Variants in SVIL observed in about 807,000 individuals in gnomAD.
SVIL encodes archvillin.
In SVIL, 101 loss-of-function variants were observed where a neutral mutation model predicts 240.4. The observed-to-expected ratio is 0.42, with a 90% confidence interval of 0.36 to 0.50. The LOEUF (loss-of-function observed/expected upper bound fraction) is 0.50, where lower values mean the gene tolerates loss of function less well. Ranked by LOEUF, SVIL falls within the 20% of genes least tolerant of loss-of-function variation. The pLI is 0.01. For missense variants in SVIL, 2,512 were observed against 2,818.7 expected (o/e 0.89, Z 2.46); for synonymous variants, 999 against 1,100.0 (o/e 0.91, Z 1.82).
At chr10:29,718,273 C>A (rs1963754960) in intron 1 of SVIL, among the ~76,000 whole-genome samples, 1 of 151,780 alleles carries the variant, frequency 6.6e-6, no homozygotes, top group African/African-American at 2.4e-5. Context: ...TTGCAGTGAG[C>A]CGAGATCGCG....
intron 2 of SVIL, among the ~76,000 whole-genome samples, chr10:29,678,109 G>A (rs1227464744): frequency 6.6e-6 from 1 of 152,106 alleles, no homozygotes; most frequent in African/African-American, 2.4e-5. Context: ...TTTTGTGGAA[G>A]ACAATTTTTC....
chr10:29,690,783 T>C (rs1961438947), intron 1 of SVIL, among the ~76,000 whole-genome samples: 1 of 152,218 alleles, frequency 6.6e-6, no homozygotes, highest in East Asian at 1.9e-4. Flanking sequence ...TGAGAACACC[T>C]GCATATGGTT....
chr10:29,526,914 C>T (rs369322646), intron 13 of SVIL, 47 bp downstream of exon 13: 28 of 1,430,104 alleles, frequency 2.0e-5, no homozygotes, highest in African/African-American at 1.8e-4. Context: ...ATCTGCTGTT[C>T]GGCACCTTTG....
intron 2 of SVIL, among the ~76,000 whole-genome samples, chr10:29,684,474 G>A (rs1410236212): frequency 4.6e-5 from 7 of 152,176 alleles, no homozygotes; most frequent in Non-Finnish European, 8.8e-5. Flanking sequence ...CATAGGTGGA[G>A]TCAAAGATTT....
At chr10:29,721,865 C>T (rs530211006) in intron 1 of SVIL, among the ~76,000 whole-genome samples, 41 of 152,246 alleles carry the variant, frequency 2.7e-4, no homozygotes, top group Admixed American at 7.2e-4. Flanking sequence ...CTGGTATCAT[C>T]GTAACTAGTG....
At chr10:29,526,810 G>T in intron 13 of SVIL, 151 bp downstream of exon 13, 1 of 618,280 alleles carries the variant, frequency 1.6e-6, no homozygotes, top group Non-Finnish European at 2.6e-6. Context: ...AGCACCTTGT[G>T]CTATGACAAA....
chr10:29,466,363 T>C (rs1944927618), intron 33 of SVIL, among the ~76,000 whole-genome samples: 3 of 152,118 alleles, frequency 2.0e-5, no homozygotes, highest in South Asian at 4.1e-4. Context: ...TTTCATCAAT[T>C]TGGCAAAGAG....
chr10:29,648,132 C>A (rs923259805), intron 3 of SVIL, among the ~76,000 whole-genome samples: 1 of 152,122 alleles, frequency 6.6e-6, no homozygotes, highest in Non-Finnish European at 1.5e-5. Context: ...TTCTGTTCTT[C>A]TCCCTTCATG....
At chr10:29,686,188 G>T (rs17294599) in intron 2 of SVIL, among the ~76,000 whole-genome samples, 19,270 of 152,186 alleles carry the variant, frequency 0.13, 1,401 homozygotes, top group Admixed American at 0.21. Flanking sequence ...TGATTAAAAT[G>T]AGTTCCTACA....
intron 33 of SVIL, among the ~76,000 whole-genome samples, chr10:29,466,044 A>G (rs1020109571): frequency 6.6e-6 from 1 of 152,176 alleles, no homozygotes; most frequent in Non-Finnish European, 1.5e-5. Flanking sequence ...TAATATCCTT[A>G]ATACATGAAG....
intron 1 of SVIL, among the ~76,000 whole-genome samples, chr10:29,617,357 T>C (rs1957463313): frequency 6.6e-6 from 1 of 152,138 alleles, no homozygotes; most frequent in South Asian, 2.1e-4. Context: ...GAGTTTTTCT[T>C]CCCTGACAAG....
At chr10:29,545,853 C>CAAAAAAAAAAA (rs755360700) in intron 6 of SVIL, among the ~76,000 whole-genome samples, 32 of 63,590 alleles carry the variant, frequency 5.0e-4, no homozygotes, top group South Asian at 6.5e-4. Flanking sequence ...GACTCTGTCT[C>CAAAAAAAAAAA]AAAAAAAAAA....
intron 36 of SVIL, among the ~76,000 whole-genome samples, chr10:29,461,095 T>G (rs1421255357): frequency 6.6e-6 from 1 of 152,204 alleles, no homozygotes; most frequent in Non-Finnish European, 1.5e-5. Context: ...GATTTGAGAC[T>G]TATGTCCTGT....
chr10:29,715,139 A>G (rs1332092330), intron 1 of SVIL, among the ~76,000 whole-genome samples: 2 of 152,116 alleles, frequency 1.3e-5, no homozygotes, highest in African/African-American at 2.4e-5. Flanking sequence ...CTTTAAACAA[A>G]AAAAGAGGAG....
In SVIL at chr10:29,523,988, T is replaced by G; in HGVS notation, c.2626A>C (p.Asn876His). The change falls in exon 15 of 38, where the codon AAC (asparagine) becomes CAC (histidine). Residue 876 changes from asparagine (N) to histidine (H), a missense_variant. This residue lies in a region of SVIL where 1,443 missense variants were observed against 1,486.6 expected (regional missense o/e 0.97). Coordinates refer to ENST00000355867, the MANE Select transcript of SVIL (RefSeq NM_021738.3). ...GKLIPFSPAV[N>H]TSVSTVASTV... ...GATGCTACGGTAGACACTGATGTGT[T>G]CACGGCAGGTGAGAAAGGAATGAGC... The G allele has an allele frequency of 1.2e-6, 2 of 1,614,038 alleles. No homozygotes were observed. Among genetic ancestry groups the G allele is most frequent in the Non-Finnish European group, 1.7e-6 (2 of 1,179,956 alleles).
At position 29,532,424 on chromosome 10, in the gene SVIL, A is replaced by T. The variant is rs1951436714; in HGVS notation, c.1838+105T>A. The T allele has an allele frequency of 1.5e-5, 22 of 1,471,250 alleles. No individual in the cohort carries two copies. In the South Asian group the frequency reaches 2.8e-4, roughly 19 times the overall value. 91.1% of individuals were successfully genotyped at this position (1,471,250 alleles called of 1,614,324 possible). On this transcript the variant is annotated intron_variant, in intron 8 of 37. Coordinates refer to ENST00000355867, the MANE Select transcript of SVIL (RefSeq NM_021738.3). ...GTCGCCCTGCACGCACTTGTGAGCTAAGCTAATATGATTCAATGCAGAACA... is the reference window on the plus strand; with the variant it reads ...GTCGCCCTGCACGCACTTGTGAGCTTAGCTAATATGATTCAATGCAGAACA...
intron 1 of SVIL, among the ~76,000 whole-genome samples, chr10:29,575,796 A>G (rs1302309784): frequency 6.6e-6 from 1 of 152,180 alleles, no homozygotes; most frequent in Non-Finnish European, 1.5e-5. Flanking sequence ...TGACAGACAC[A>G]TGTGATGGAA....
At chr10:29,682,530 C>T (rs1014212789) in intron 2 of SVIL, among the ~76,000 whole-genome samples, 2 of 151,988 alleles carry the variant, frequency 1.3e-5, no homozygotes, top group Admixed American at 6.6e-5. Flanking sequence ...GAGGAGATAC[C>T]CTTTACACAC....
intron 3 of SVIL, among the ~76,000 whole-genome samples, chr10:29,558,974 T>C (rs1296763373): frequency 6.7e-6 from 1 of 148,572 alleles, no homozygotes; most frequent in Non-Finnish European, 1.5e-5. Flanking sequence ...TTATATATTT[T>C]ATATTATTAT....
Sources: allele counts gnomAD v4.1 joint callset (sites outside exome capture counted in the v4.1 genomes callset), GRCh38; gene constraint gnomAD v4.1.1; regional missense constraint gnomAD v4.1.1; transcripts MANE v1.5; gene names NCBI Gene and HGNC (gene_info 2026-07-23, HGNC 2026-07-21).